Variants in DPYD observed in about 807,000 individuals in gnomAD.
DPYD encodes dihydropyrimidine dehydrogenase [NADP(+)].
Under a neutral mutation model 116.2 loss-of-function variants are expected in DPYD, and 109 were observed. The observed-to-expected ratio is 0.94, with a 90% CI of 0.80 to 1.10. The LOEUF (loss-of-function observed/expected upper bound fraction) is 1.10. Ranked by LOEUF, DPYD falls within the 50% of genes least tolerant of loss-of-function variation. DPYD has a pLI of 0.00. For synonymous variants in DPYD, 440 were observed against 432.0 expected, an observed-to-expected ratio of 1.02 and a Z score of -0.23; for missense variants, 1,302 against 1,254.5, an observed-to-expected ratio of 1.04 and a Z score of -0.57.
chr1:97,350,969 C>A (rs1670109173), intron 16 of DPYD, among the ~76,000 whole-genome samples: 1 of 152,088 alleles, frequency 6.6e-6, no homozygotes, highest in Middle Eastern at 3.2e-3. Context: ...ATGTTTGATG[C>A]AATTGGCTAC....
At chr1:97,779,101 C>T (rs1381171549) in intron 3 of DPYD, among the ~76,000 whole-genome samples, 4 of 152,002 alleles carry the variant, frequency 2.6e-5, no homozygotes, top group Non-Finnish European at 1.5e-5. Flanking sequence ...GAGAAAAACA[C>T]TACATTTAAA....
At chr1:97,689,229 G>A (rs1346748058) in intron 7 of DPYD, among the ~76,000 whole-genome samples, 4 of 151,726 alleles carry the variant, frequency 2.6e-5, no homozygotes, top group South Asian at 2.1e-4. Flanking sequence ...AAGATAAATT[G>A]AAATTAAAAT....
intron 13 of DPYD, among the ~76,000 whole-genome samples, chr1:97,476,895 T>C (rs185579683): frequency 2.6e-5 from 4 of 152,340 alleles, no homozygotes; most frequent in Non-Finnish European, 4.4e-5. Flanking sequence ...CTGTATTAAG[T>C]GTGTAATAGC....
intron 2 of DPYD, among the ~76,000 whole-genome samples, chr1:97,872,562 C>T (rs1368166092): frequency 7.2e-5 from 11 of 151,898 alleles, no homozygotes; most frequent in Non-Finnish European, 1.3e-4. Context: ...CATCTTATTA[C>T]ATATTTCTGC....
At chr1:97,880,818 T>C (rs939543322) in intron 2 of DPYD, among the ~76,000 whole-genome samples, 8 of 151,990 alleles carry the variant, frequency 5.3e-5, no homozygotes, top group Admixed American at 5.3e-4. Flanking sequence ...TTAAATCCTT[T>C]TTCCATGTAA....
At chr1:97,169,915 C>T (rs1656600703) in intron 20 of DPYD, among the ~76,000 whole-genome samples, 1 of 152,120 alleles carries the variant, frequency 6.6e-6, no homozygotes, top group African/African-American at 2.4e-5. Flanking sequence ...CCTCATCTCA[C>T]TTCACCCCAA....
At chr1:97,674,565 T>C (rs1429213348) in intron 8 of DPYD, among the ~76,000 whole-genome samples, 1 of 152,040 alleles carries the variant, frequency 6.6e-6, no homozygotes, top group African/African-American at 2.4e-5. Context: ...ATAAATGGGC[T>C]TCTTTAAAAC....
At chr1:97,424,543 A>G (rs953861108) in intron 14 of DPYD, among the ~76,000 whole-genome samples, 5 of 152,094 alleles carry the variant, frequency 3.3e-5, no homozygotes, top group Non-Finnish European at 5.9e-5. Flanking sequence ...GGAGAAAATG[A>G]ACACTGATTA....
At chr1:97,815,815 C>T (rs1372411526) in intron 3 of DPYD, among the ~76,000 whole-genome samples, 1 of 151,962 alleles carries the variant, frequency 6.6e-6, no homozygotes, top group East Asian at 1.9e-4. Context: ...CAAAAATTAA[C>T]GTTTCAGGAG....
intron 7 of DPYD, among the ~76,000 whole-genome samples, chr1:97,687,640 G>A (rs916169506): frequency 2.0e-5 from 3 of 152,136 alleles, no homozygotes; most frequent in African/African-American, 7.2e-5. Flanking sequence ...ATGCCCAAAG[G>A]AATATAGATC....
intron 8 of DPYD, among the ~76,000 whole-genome samples, chr1:97,675,842 C>A (rs1179029630): frequency 6.7e-6 from 1 of 150,198 alleles, no homozygotes; most frequent in Non-Finnish European, 1.5e-5. Flanking sequence ...TCCACCTCCC[C>A]GGTTGAAGCG....
chr1:97,102,816 A>G (rs2101606373), intron 20 of DPYD, among the ~76,000 whole-genome samples: 1 of 152,010 alleles, frequency 6.6e-6, no homozygotes, highest in East Asian at 1.9e-4. Flanking sequence ...AGATTGAATT[A>G]TATGTCAAAT....
intron 14 of DPYD, among the ~76,000 whole-genome samples, chr1:97,412,740 G>C (rs1674081052): frequency 6.6e-6 from 1 of 152,146 alleles, no homozygotes; most frequent in African/African-American, 2.4e-5. Flanking sequence ...CTATAGCACT[G>C]ATTGTTTTCA....
intron 1 of DPYD, among the ~76,000 whole-genome samples, chr1:97,910,824 T>C (rs1419980744): frequency 6.6e-6 from 1 of 152,126 alleles, no homozygotes; most frequent in Non-Finnish European, 1.5e-5. Context: ...CAAGATAACA[T>C]TCATTTTGTT....
In DPYD at chr1:97,382,433, T is replaced by A; in HGVS notation, c.1934A>T (p.Tyr645Phe). The change falls in exon 15 of 23, where the codon TAC becomes TTC. Residue 645 changes from tyrosine to phenylalanine, a missense_variant. Transcript: ENST00000370192. ...AAGTTCCGTCCAGTCATTTTTATTG[T>A]AACTGCACATAATGCTAGCAATCAC... ...NIVIASIMCS[Y>F]NKNDWTELAK... The A allele has an allele frequency of 1.9e-6, 3 of 1,597,180 alleles. No homozygotes were observed. The highest frequency in any genetic ancestry group is 2.6e-6 in the Non-Finnish European group (3 of 1,171,420).
At chr1:97,168,653 T>C (rs1656494225) in intron 20 of DPYD, among the ~76,000 whole-genome samples, 1 of 152,172 alleles carries the variant, frequency 6.6e-6, no homozygotes, top group Non-Finnish European at 1.5e-5. Flanking sequence ...AGAGGAACAC[T>C]GCTACTTTTC....
At chr1:97,612,553 T>C (rs1473812476) in intron 8 of DPYD, among the ~76,000 whole-genome samples, 1 of 152,046 alleles carries the variant, frequency 6.6e-6, no homozygotes, top group African/African-American at 2.4e-5. Context: ...TATAGAAACA[T>C]TATTATCTCT....
Position 97,705,371 on chromosome 1 carries a change from G to A in DPYD, c.484-5824C>T, listed in dbSNP as rs548198777. Among the ~76,000 whole-genome samples the A allele has an allele frequency of 5.9e-5, 9 of 152,162 alleles. No homozygotes were observed. In the East Asian group the frequency reaches 1.7e-3, roughly 30 times the overall value. ...TTGTTCAATTCCCACCTATGAGTGA[G>A]AACATGCAGTGTTTGGTTTTTTTGT... is the stretch of plus-strand genomic sequence containing the variant. On this transcript the variant is annotated intron_variant, in intron 5 of 22. Transcript: ENST00000370192.
intron 3 of DPYD, among the ~76,000 whole-genome samples, chr1:97,819,229 T>C (rs997887072): frequency 6.6e-6 from 1 of 152,012 alleles, no homozygotes; most frequent in Admixed American, 6.6e-5. Flanking sequence ...TACTCTTCTC[T>C]GCTGATTTGG....
Sources: gnomAD v4.1 joint callset for allele counts (sites outside exome capture counted in the v4.1 genomes callset) on GRCh38, gnomAD v4.1.1 for gene constraint, MANE v1.5 for transcripts, NCBI Gene and HGNC (gene_info 2026-07-23, HGNC 2026-07-21) for gene names.